EPHA4: variants seen among roughly 807,000 people sequenced by gnomAD.
The protein encoded by EPHA4 is EPH receptor A4, also known as ephrin type-A receptor 4.
Under a neutral mutation model 108.3 loss-of-function variants are expected in EPHA4, and 19 were observed. The ratio of observed to expected loss-of-function variants is 0.18; its 90% CI spans 0.12 to 0.26. The LOEUF (loss-of-function observed/expected upper bound fraction) is 0.26, where lower values mean the gene tolerates loss of function less well. Ranked by LOEUF, EPHA4 falls within the 10% of genes least tolerant of loss-of-function variation. The pLI, the probability that EPHA4 is intolerant of heterozygous loss-of-function variation, is 1.00. For synonymous variants in EPHA4, 449 were observed against 455.5 expected (o/e 0.99, Z 0.18); for missense variants, 917 against 1,254.0 (o/e 0.73, Z 4.06).
intron 9 of EPHA4, among the ~76,000 whole-genome samples, 171 bp downstream of exon 9, chr2:221,445,952 T>A (rs1480540577): frequency 6.6e-6 from 1 of 152,116 alleles, no homozygotes. Context: ...AATCTCACCA[T>A]CCAAATCACC....
chr2:221,564,887 C>CA (rs1233305564), intron 2 of EPHA4, among the ~76,000 whole-genome samples: 16,115 of 70,856 alleles, frequency 0.23, 1,391 homozygotes, highest in Non-Finnish European at 0.27. Context: ...TCTAATACCT[C>CA]AAAAAAAAAA....
At chr2:221,568,825 CA>C (rs1326033804) in intron 1 of EPHA4, 40 bp from the exon 2 acceptor site, 7 of 1,565,308 alleles carry the variant, frequency 4.5e-6, no homozygotes, top group Non-Finnish European at 4.4e-6. Flanking sequence ...TTTCCAATTG[CA>C]AAAAGCCAAT....
At chr2:221,531,418 A>C (rs186539593) in intron 3 of EPHA4, among the ~76,000 whole-genome samples, 4 of 152,188 alleles carry the variant, frequency 2.6e-5, no homozygotes, top group Non-Finnish European at 4.4e-5. Context: ...TCTTTCAAAG[A>C]ATTTTGTATT....
intron 15 of EPHA4, among the ~76,000 whole-genome samples, chr2:221,427,784 C>A (rs1434227550): frequency 6.6e-6 from 1 of 152,060 alleles, no homozygotes. Flanking sequence ...CGATATAATG[C>A]TTTACTTTTC....
rs377053299 is a variant in EPHA4 at position 221,442,972 on chromosome 2, C to T, written c.1931G>A (p.Gly644Asp). The change falls in exon 11 of 18, where the codon GGC becomes GAC. Residue 644 changes from glycine to aspartate, a missense_variant. Coordinates refer to ENST00000281821, the MANE Select transcript of EPHA4 (RefSeq NM_004438.5). ...GATAGCCACACAGATCTCTCTCTTG[C>T]CAGGCACTTTGAGACGCCCACTGCA... ...EVCSGRLKVP[G>D]KREICVAIKT... 6.2e-7 allele frequency: 1 copy of T among 1,614,142 alleles called. No homozygotes were observed. Among genetic ancestry groups the T allele is most frequent in the Non-Finnish European group, 8.5e-7 (1 of 1,180,020 alleles).
intron 3 of EPHA4, among the ~76,000 whole-genome samples, chr2:221,553,504 T>G (rs1385500829): frequency 6.6e-6 from 1 of 152,196 alleles, no homozygotes; most frequent in Non-Finnish European, 1.5e-5. Flanking sequence ...CAGTATTCTG[T>G]TAACCTCTGA....
At chr2:221,430,527 C>T (rs554415228) in intron 14 of EPHA4, among the ~76,000 whole-genome samples, 16 of 151,804 alleles carry the variant, frequency 1.1e-4, no homozygotes, top group South Asian at 1.0e-3. Context: ...AAACACTCTT[C>T]GCAAAAGAGA....
chr2:221,529,026 T>C (rs1346756115), intron 3 of EPHA4, among the ~76,000 whole-genome samples: 1 of 151,952 alleles, frequency 6.6e-6, no homozygotes, highest in African/African-American at 2.4e-5. Flanking sequence ...CCAAAAAAAG[T>C]TTTAAAGAAA....
intron 6 of EPHA4, among the ~76,000 whole-genome samples, chr2:221,457,569 A>G (rs1690997922): frequency 6.6e-6 from 1 of 152,214 alleles, no homozygotes; most frequent in Non-Finnish European, 1.5e-5. Flanking sequence ...AATACAATGT[A>G]TTATCATTAT....
At chr2:221,427,133 G>T (rs181792969) in intron 15 of EPHA4, among the ~76,000 whole-genome samples, 34 of 152,278 alleles carry the variant, frequency 2.2e-4, no homozygotes, top group African/African-American at 7.5e-4. Flanking sequence ...TAGTCTACAG[G>T]CAGGCTTGGG....
At chr2:221,455,146 A>G (rs1041661907) in intron 8 of EPHA4, among the ~76,000 whole-genome samples, 1 of 152,222 alleles carries the variant, frequency 6.6e-6, no homozygotes, top group Non-Finnish European at 1.5e-5. Flanking sequence ...ATAAAGACTC[A>G]AAAAGGTTTA....
intron 17 of EPHA4, among the ~76,000 whole-genome samples, chr2:221,423,913 C>G (rs773406025): frequency 1.3e-5 from 2 of 151,850 alleles, no homozygotes; most frequent in Non-Finnish European, 2.9e-5. Flanking sequence ...ATCAAGAGTT[C>G]GAGACCAGCC....
Position 221,571,077 on chromosome 2 carries a change from CAT to C in EPHA4, c.91+1079_91+1080del. On this transcript the variant is annotated intron_variant, in intron 1 of 17. Transcript: ENST00000281821. The surrounding 1 kb of genome is among the most constrained non-coding windows in gnomAD (Gnocchi z 6.3). ...CACACTCAGGACATCTGCGCACAGA[CAT>C]ACAATCCTCCGCGTCCGCTTCCACG... Among the ~76,000 whole-genome samples, 3 of 152,226 alleles carry C rather than the reference CAT, an allele frequency of 2.0e-5. No individual in the cohort carries two copies. Among genetic ancestry groups the C allele is most frequent in the Middle Eastern group, 6.8e-3 (2 of 294 alleles).
At chr2:221,507,304 C>A (rs1308710823) in intron 3 of EPHA4, among the ~76,000 whole-genome samples, 3 of 152,136 alleles carry the variant, frequency 2.0e-5, no homozygotes, top group African/African-American at 7.2e-5. Context: ...AACTGTCTTA[C>A]TGGAAAAGCT....
intron 5 of EPHA4, among the ~76,000 whole-genome samples, chr2:221,478,899 A>T (rs930311993): frequency 6.6e-5 from 10 of 152,238 alleles, no homozygotes; most frequent in Admixed American, 5.2e-4. Flanking sequence ...CTTATCAGCA[A>T]AAAGCTGACA....
chr2:221,550,453 G>GAA (rs1694124355), intron 3 of EPHA4, among the ~76,000 whole-genome samples: 1 of 144,174 alleles, frequency 6.9e-6, no homozygotes, highest in Non-Finnish European at 1.5e-5. Context: ...GAGAGAGAGA[G>GAA]AATGTAGACT....
chr2:221,502,477 C>T (rs1692513736), intron 3 of EPHA4: 1 of 469,842 alleles, frequency 2.1e-6, no homozygotes, highest in Admixed American at 2.3e-5. Flanking sequence ...CATTTTCCAT[C>T]AGCCTGGCAG....
At position 221,455,619 on chromosome 2, in the gene EPHA4, A is replaced by T. The variant is rs779294936; in HGVS notation, c.1643T>A (p.Val548Asp). The change falls in exon 8 of 18, where the codon GTC becomes GAC. Residue 548 changes from valine (V) to aspartate (D), a missense_variant. Physicochemically the swap from Val to Asp is radical, Grantham distance 152. Transcript: ENST00000281821. ...RIIGDGANSTVLLVSVSGSVV... is the reference protein window; with the variant it reads ...RIIGDGANSTDLLVSVSGSVV... ...ACTGCCCGAGACAGAGACCAGAAGG[A>T]CTGTGGAGTTAGCCCCATCTCCAAT... 23 of 1,613,778 alleles carry T rather than the reference A, an allele frequency of 1.4e-5. No homozygotes were observed. Among genetic ancestry groups the T allele is most frequent in the Non-Finnish European group, 3.4e-6 (4 of 1,179,894 alleles).
intron 3 of EPHA4, among the ~76,000 whole-genome samples, chr2:221,552,167 C>T (rs1694182181): frequency 6.6e-6 from 1 of 152,032 alleles, no homozygotes. Context: ...CTACACAACC[C>T]CTAAAAAAAT....
Sources: gnomAD v4.1 joint callset for allele counts (sites outside exome capture counted in the v4.1 genomes callset) on GRCh38, gnomAD v4.1.1 for gene constraint, Gnocchi (gnomAD v3.1) non-coding constraint, MANE v1.5 for transcripts, NCBI Gene and HGNC (gene_info 2026-07-23, HGNC 2026-07-21) for gene names.